Variants in SMIM20 observed in about 807,000 individuals in gnomAD.
The protein encoded by SMIM20 is mitochondrial translation regulation assembly intermediate of cytochrome c oxidase protein of 7 kDa.
Under a neutral mutation model 8.7 loss-of-function variants are expected in SMIM20, and 3 were observed. The ratio of observed to expected loss-of-function variants is 0.34; its 90% confidence interval spans 0.16 to 0.89. The LOEUF (loss-of-function observed/expected upper bound fraction) is 0.89, where lower values mean the gene tolerates loss of function less well. Ranked by LOEUF, SMIM20 falls within the 40% of genes least tolerant of loss-of-function variation. SMIM20 has a pLI of 0.49. For missense variants in SMIM20, 85 were observed against 84.8 expected (o/e 1.00, Z -0.01); for synonymous variants, 44 against 33.6 (o/e 1.31, Z -1.07).
intron 2 of SMIM20, 106 bp downstream of exon 2, chr4:25,928,475 C>A: frequency 9.2e-7 from 1 of 1,084,092 alleles, no homozygotes; most frequent in Non-Finnish European, 1.3e-6. Context: ...TGCCTTTTAG[C>A]TTAGAGACAA....
intron 1 of SMIM20, among the ~76,000 whole-genome samples, chr4:25,926,539 C>G (rs1719294110): frequency 6.6e-6 from 1 of 152,220 alleles, no homozygotes. Context: ...GCCTCATTAG[C>G]AATTAGCAAG....
Position 25,928,314 on chromosome 4 carries a change from G to A in SMIM20, c.111G>A (p.Lys37=). The A allele has an allele frequency of 6.5e-7, 1 of 1,549,178 alleles. No individual in the cohort carries two copies. Among genetic ancestry groups the A allele is most frequent in the African/African-American group, 1.4e-5 (1 of 72,908 alleles). The change falls in exon 2 of 3, where the codon AAG becomes AAA. Residue 37 remains lysine (K), a splice_region_variant and synonymous_variant. Coordinates refer to ENST00000506197, the MANE Select transcript of SMIM20 (RefSeq NM_001145432.3). ...TGATTTTTCTCTTATGTTTCTCAGA[G>A]AAGGAACAAGCTATAAATCGGGCTG... ...FRPLMRLEEY[K]KEQAINRAGI... is the part of the protein sequence containing the mutation.
At chr4:25,916,678 C>T (rs1303539474) in intron 1 of SMIM20, among the ~76,000 whole-genome samples, 1 of 152,110 alleles carries the variant, frequency 6.6e-6, no homozygotes, top group Non-Finnish European at 1.5e-5. Context: ...GCCTCAGCCT[C>T]CCAAGTAGCT....
chr4:25,915,457 G>A (rs1216893343), intron 1 of SMIM20, among the ~76,000 whole-genome samples: 2 of 152,178 alleles, frequency 1.3e-5, no homozygotes, highest in Non-Finnish European at 2.9e-5. Flanking sequence ...CGAAAGCTCC[G>A]TGTAAATGTT....
At position 25,929,198 on chromosome 4, in the gene SMIM20, T is replaced by G; in HGVS notation, c.*7T>G. 7 of 1,552,060 alleles carry G rather than the reference T, an allele frequency of 4.5e-6. No homozygotes were observed. The highest frequency in any genetic ancestry group is 6.1e-6 in the Non-Finnish European group (7 of 1,147,006). On this transcript the variant is annotated 3_prime_UTR_variant, in exon 3 of 3. Transcript: ENST00000506197. The stretch of plus-strand genomic sequence containing the variant: ...TCCATTTGGCAGGAAATGAGAGGGC[T>G]GTCATCAGCTCTGATTAAGAAAGGA...
chr4:25,925,757 A>T (rs1211969339), intron 1 of SMIM20, among the ~76,000 whole-genome samples: 1 of 152,232 alleles, frequency 6.6e-6, no homozygotes, highest in African/African-American at 2.4e-5. Context: ...CAAGTCACAC[A>T]GTCGATGTAT....
chr4:25,925,603 A>G (rs988966780), intron 1 of SMIM20, among the ~76,000 whole-genome samples: 1 of 152,142 alleles, frequency 6.6e-6, no homozygotes, highest in Non-Finnish European at 1.5e-5. Flanking sequence ...CATACCTTGC[A>G]CCAGCTTTCA....
In SMIM20 at chr4:25,929,764, A is replaced by T. The variant is rs1207580101; in HGVS notation, c.*573A>T. The T allele has an allele frequency of 6.6e-6, 1 of 152,252 alleles. No individual in the cohort carries two copies. Among genetic ancestry groups the T allele is most frequent in the Non-Finnish European group, 1.5e-5 (1 of 68,050 alleles). The allele number at this position is 152,252 out of a possible 1,614,324, so 9.4% of individuals were successfully genotyped here. ...TGCATACACTTGTGTAGAAATCAAT[A>T]ATCAATTAATAGAAGTGAAAAAATA... On this transcript the variant is annotated 3_prime_UTR_variant, in exon 3 of 3. Transcript: ENST00000506197.
chr4:25,928,186 A>G (rs1033942695), intron 1 of SMIM20, 127 bp from the exon 2 acceptor site: 7 of 856,000 alleles, frequency 8.2e-6, no homozygotes, highest in Admixed American at 3.0e-5. Flanking sequence ...ATAATAGCGT[A>G]TCTGAATTTA....
intron 1 of SMIM20, among the ~76,000 whole-genome samples, chr4:25,919,345 CT>C (rs938542458): frequency 9.2e-4 from 137 of 149,322 alleles, no homozygotes; most frequent in African/African-American, 3.1e-3. Flanking sequence ...TTTGTGTCTT[CT>C]TTTTTTTTTC....
intron 1 of SMIM20, among the ~76,000 whole-genome samples, chr4:25,926,630 G>A (rs1250697123): frequency 2.0e-5 from 3 of 152,260 alleles, no homozygotes; most frequent in Middle Eastern, 3.4e-3. Context: ...TTAGGCATTC[G>A]GTCCTTGCCA....
At chr4:25,926,870 G>A (rs1313339229) in intron 1 of SMIM20, among the ~76,000 whole-genome samples, 1 of 152,174 alleles carries the variant, frequency 6.6e-6, no homozygotes, top group Non-Finnish European at 1.5e-5. Flanking sequence ...TTTTGTTCCT[G>A]CCAAGACTGA....
chr4:25,927,006 G>C (rs185461181), intron 1 of SMIM20, among the ~76,000 whole-genome samples: 35 of 152,262 alleles, frequency 2.3e-4, no homozygotes, highest in African/African-American at 6.7e-4. Flanking sequence ...TAAGAAATGA[G>C]GACACCTTTT....
chr4:25,920,731 A>G (rs1325399895), intron 1 of SMIM20, among the ~76,000 whole-genome samples: 2 of 152,204 alleles, frequency 1.3e-5, no homozygotes, highest in African/African-American at 4.8e-5. Flanking sequence ...CATTCAAGGT[A>G]AATATCCTAT....
intron 1 of SMIM20, among the ~76,000 whole-genome samples, chr4:25,919,105 C>T (rs1327463609): frequency 6.7e-6 from 1 of 149,392 alleles, no homozygotes; most frequent in East Asian, 2.0e-4. Context: ...GGGGTTTCAC[C>T]TTGTTAGCCA....
rs150483859 is a variant in SMIM20 at position 25,925,928 on chromosome 4, A to G, written c.110-2385A>G. Among the ~76,000 whole-genome samples the G allele has an allele frequency of 9.4e-3, 1,438 of 152,324 alleles. 6 individuals carry two copies. The highest frequency in any genetic ancestry group is 0.016 in the Non-Finnish European group (1,085 of 68,026). On this transcript the variant is annotated intron_variant, in intron 1 of 2. Coordinates refer to ENST00000506197, the MANE Select transcript of SMIM20 (RefSeq NM_001145432.3). Reference sequence around the variant, plus strand: ...CCCCTGGACCAGAGATAACGTCCTCAATTAAAACTACAAATCACACCACTG... The same window carrying G: ...CCCCTGGACCAGAGATAACGTCCTCGATTAAAACTACAAATCACACCACTG...
At chr4:25,914,511 C>G in intron 1 of SMIM20, 89 bp downstream of exon 1, 1 of 1,294,644 alleles carries the variant, frequency 7.7e-7, no homozygotes. Flanking sequence ...GTGGAAAGAA[C>G]TTGGCTCGAG....
chr4:25,921,256 G>A (rs919833977), intron 1 of SMIM20, among the ~76,000 whole-genome samples: 2 of 152,118 alleles, frequency 1.3e-5, no homozygotes, highest in Non-Finnish European at 2.9e-5. Context: ...GCAAACTGGT[G>A]GGCATGGTGG....
Position 25,914,275 on chromosome 4 carries a change from G to A in SMIM20, c.-39G>A. ...CGGTAACCTGGTTTCCGAGAGTGCC[G>A]GGCGGTCGGCGGGTCAGGGCAGCCC... On this transcript the variant is annotated 5_prime_UTR_variant, in exon 1 of 3. Coordinates refer to ENST00000506197, the MANE Select transcript of SMIM20 (RefSeq NM_001145432.3). The A allele has an allele frequency of 6.5e-7, 1 of 1,531,560 alleles. No homozygotes were observed. The highest frequency in any genetic ancestry group is 8.8e-7 in the Non-Finnish European group (1 of 1,134,494). The allele number at this position is 1,531,560 out of a possible 1,614,324, so 94.9% of individuals were successfully genotyped here.
Sources: allele counts gnomAD v4.1 joint callset (sites outside exome capture counted in the v4.1 genomes callset), GRCh38; gene constraint gnomAD v4.1.1; transcripts MANE v1.5; gene names NCBI Gene and HGNC (gene_info 2026-07-23, HGNC 2026-07-21).